Variants in NOVA1 observed in about 807,000 individuals in gnomAD.
NOVA1 encodes the protein NOVA alternative splicing regulator 1.
Under a neutral mutation model 38.0 loss-of-function variants are expected in NOVA1, and 7 were observed. The ratio of observed to expected loss-of-function variants is 0.18; its 90% CI spans 0.10 to 0.35. The LOEUF is 0.35. NOVA1 is among the 10% of genes least tolerant of loss of function. The pLI is 1.00. For synonymous variants in NOVA1, 270 were observed against 232.5 expected (o/e 1.16, Z -1.47); for missense variants, 460 against 616.0 (o/e 0.75, Z 2.68).
chr14:26,577,676 G>A (rs925334707), intron 2 of NOVA1, among the ~76,000 whole-genome samples: 2 of 152,152 alleles, frequency 1.3e-5, no homozygotes, highest in African/African-American at 2.4e-5. Flanking sequence ...AGAAGGTAAA[G>A]ATGACTCAAA....
chr14:26,551,474 T>C (rs540100914), intron 2 of NOVA1, among the ~76,000 whole-genome samples: 167 of 152,176 alleles, frequency 1.1e-3, no homozygotes, highest in African/African-American at 3.9e-3. Flanking sequence ...CTAAAATAGA[T>C]CGATATCACA....
Position 26,447,775 on chromosome 14 carries a change from T to C in NOVA1, c.*184A>G. The C allele has an allele frequency of 1.6e-6, 1 of 606,644 alleles. No individual in the cohort carries two copies. The allele number at this position is 606,644 out of a possible 1,614,324, so 37.6% of individuals were successfully genotyped here. A position where few individuals can be genotyped will look rare whatever the true frequency, so the allele number is the denominator to read the frequency against. On this transcript the variant is annotated 3_prime_UTR_variant, in exon 5 of 5. Coordinates refer to ENST00000539517, the MANE Select transcript of NOVA1 (RefSeq NM_002515.3). The stretch of plus-strand genomic sequence containing the variant: ...AGAACAAAACAGATCAAGAAAAAAT[T>C]CTTTCTATGAAACATCTGGTAAAAC...
intron 2 of NOVA1, among the ~76,000 whole-genome samples, chr14:26,500,504 G>GA (rs1238512914): frequency 1.0e-3 from 152 of 145,284 alleles, no homozygotes; most frequent in African/African-American, 3.0e-3. Flanking sequence ...CCTCCCAGGA[G>GA]AAAAAAAAAA....
chr14:26,519,450 A>AGG (rs1888713725), intron 2 of NOVA1: 1 of 152,216 alleles, frequency 6.6e-6, no homozygotes, highest in Non-Finnish European at 1.5e-5. Context: ...GGGCCAGATT[A>AGG]TAAAGGGCTT....
rs1396635535 is a variant in NOVA1, at chr14:26,597,512, T to C, written c.-76A>G. On this transcript the variant is annotated 5_prime_UTR_variant, in exon 1 of 5. Coordinates refer to ENST00000539517, the MANE Select transcript of NOVA1 (RefSeq NM_002515.3). ...GGCTTTTTCTTTTCTTTTTTCTTTTTTTTTTTTTTTTTTTTTTGCGTTTGG... is the reference window on the plus strand; with the variant it reads ...GGCTTTTTCTTTTCTTTTTTCTTTTCTTTTTTTTTTTTTTTTTGCGTTTGG... 5.0e-5 allele frequency: 56 copies of C among 1,115,856 alleles called. 1 individual carries two copies. Among genetic ancestry groups the C allele is most frequent in the Admixed American group, 1.5e-4 (3 of 20,344 alleles). 69.1% of individuals were successfully genotyped at this position (1,115,856 alleles called of 1,614,324 possible).
chr14:26,578,762 T>C (rs1274578624), intron 2 of NOVA1, among the ~76,000 whole-genome samples: 1 of 152,034 alleles, frequency 6.6e-6, no homozygotes, highest in African/African-American at 2.4e-5. Flanking sequence ...GAAATCTGGG[T>C]TAATGTCAGA....
intron 2 of NOVA1, among the ~76,000 whole-genome samples, chr14:26,573,716 A>T (rs1892633045): frequency 6.6e-6 from 1 of 152,186 alleles, no homozygotes; most frequent in Non-Finnish European, 1.5e-5. Context: ...AAGTACATTT[A>T]CAGAGTATAA....
intron 2 of NOVA1, among the ~76,000 whole-genome samples, chr14:26,569,922 A>C (rs1285279740): frequency 6.6e-6 from 1 of 151,904 alleles, no homozygotes; most frequent in Non-Finnish European, 1.5e-5. Context: ...ATGCATTCTT[A>C]AACAAGGGGT....
intron 2 of NOVA1, among the ~76,000 whole-genome samples, chr14:26,566,098 A>G (rs1466769342): frequency 1.3e-5 from 2 of 152,168 alleles, no homozygotes; most frequent in Non-Finnish European, 2.9e-5. Flanking sequence ...AAAAGACTAT[A>G]AAATGCTATA....
At chr14:26,482,783 G>A (rs1885571264) in intron 2 of NOVA1, among the ~76,000 whole-genome samples, 1 of 151,916 alleles carries the variant, frequency 6.6e-6, no homozygotes, top group Non-Finnish European at 1.5e-5. Flanking sequence ...CTGCAGCCTC[G>A]ACCACCTGGG....
rs1366496415 is a variant in NOVA1 at position 26,480,011 on chromosome 14, G to T, written c.413C>A (p.Pro138His). 1.2e-6 allele frequency: 2 copies of T among 1,613,858 alleles called. No homozygotes were observed. The highest frequency in any genetic ancestry group is 4.5e-5 in the East Asian group (2 of 44,866). ...AKTEPVSILQ[P>H]QTTVNPDRIK... ...GCGATCTGGATTAACGGTGGTCTGG[G>T]GTTGTAGAATGCTGACTGGTTCTGT... Residue 138 changes from proline to histidine, a missense_variant, in exon 3 of 5, where the codon CCC (proline) becomes CAC (histidine). Transcript: ENST00000539517.
intron 2 of NOVA1, among the ~76,000 whole-genome samples, chr14:26,487,835 A>T (rs1233764522): frequency 6.6e-6 from 1 of 152,176 alleles, no homozygotes; most frequent in Admixed American, 6.5e-5. Context: ...CAGAGAACAG[A>T]CCACCACAGG....
intron 4 of NOVA1, chr14:26,470,477 G>A: frequency 6.4e-7 from 1 of 1,554,498 alleles, no homozygotes; most frequent in African/African-American, 1.4e-5. Flanking sequence ...TGATATCCAG[G>A]AGATATTATG....
chr14:26,516,931 A>C (rs1039630998), intron 2 of NOVA1, among the ~76,000 whole-genome samples: 6 of 116,152 alleles, frequency 5.2e-5, no homozygotes, highest in African/African-American at 2.0e-4. Flanking sequence ...TTGGAGATGG[A>C]GTCTCGCTCT....
intron 2 of NOVA1, among the ~76,000 whole-genome samples, chr14:26,546,551 A>C (rs1890799330): frequency 6.6e-6 from 1 of 152,176 alleles, no homozygotes; most frequent in Non-Finnish European, 1.5e-5. Context: ...AAATTGAATA[A>C]ATTCTGCAAT....
intron 2 of NOVA1, among the ~76,000 whole-genome samples, chr14:26,544,152 T>C (rs1447700131): frequency 6.6e-6 from 1 of 151,806 alleles, no homozygotes; most frequent in African/African-American, 2.4e-5. Flanking sequence ...AATCCATTTT[T>C]AAAGGAACTT....
At chr14:26,481,997 A>AAAAC (rs1357082767) in intron 2 of NOVA1, among the ~76,000 whole-genome samples, 1 of 31,334 alleles carries the variant, frequency 3.2e-5, no homozygotes, top group African/African-American at 4.3e-5. Context: ...ATAAAAAAAA[A>AAAAC]AAAAAAAAAA....
At chr14:26,594,979 C>T (rs1894093355) in intron 2 of NOVA1, among the ~76,000 whole-genome samples, 1 of 152,062 alleles carries the variant, frequency 6.6e-6, no homozygotes, top group Admixed American at 6.5e-5. Flanking sequence ...GAAAGAGGTA[C>T]ATAATGGATT....
At chr14:26,486,696 C>CCAAAAAA (rs1885924780) in intron 2 of NOVA1, among the ~76,000 whole-genome samples, 1 of 23,106 alleles carries the variant, frequency 4.3e-5, no homozygotes, top group Non-Finnish European at 7.0e-5. Flanking sequence ...GTGACAGACT[C>CCAAAAAA]AAAAAAAAAA....
Sources: gnomAD v4.1 joint callset for allele counts (sites outside exome capture counted in the v4.1 genomes callset) on GRCh38, gnomAD v4.1.1 for gene constraint, MANE v1.5 for transcripts, NCBI Gene and HGNC (gene_info 2026-07-23, HGNC 2026-07-21) for gene names.